ATP8B3: variants seen among roughly 807,000 people sequenced by gnomAD.
The protein encoded by ATP8B3 is phospholipid-transporting ATPase IK.
Under a neutral mutation model 140.9 loss-of-function variants are expected in ATP8B3, and 141 were observed. The observed-to-expected ratio is 1.00, with a 90% confidence interval of 0.87 to 1.15. The LOEUF (loss-of-function observed/expected upper bound fraction) is 1.15, where lower values mean the gene tolerates loss of function less well. Among genes scored for constraint, ATP8B3 ranks in the 50% most tolerant of loss-of-function variants. The pLI is 0.00. For synonymous variants in ATP8B3, 765 were observed against 714.6 expected (o/e 1.07, Z -1.13); for missense variants, 1,874 against 1,740.6 (o/e 1.08, Z -1.36).
chr19:1,799,546 G>A (rs886640937), intron 14 of ATP8B3: 8 of 382,568 alleles, frequency 2.1e-5, no homozygotes, highest in Admixed American at 1.8e-4. Flanking sequence ...CAGGTGGATC[G>A]CCGGAGGCCA....
Position 1,787,037 on chromosome 19 carries a change from G to A in ATP8B3, c.3153+66C>T, listed in dbSNP as rs1378352568. The A allele has an allele frequency of 8.3e-6, 12 of 1,438,462 alleles. No individual in the cohort carries two copies. In the Admixed American group the frequency reaches 1.2e-4, roughly 14 times the overall value. 89.1% of individuals were successfully genotyped at this position (1,438,462 alleles called of 1,614,324 possible). ...CCAGGCTCCCTCTCCCCGCCCCAAGGAGCGGAGGAGAGGAGGAGAGGCTAA... is the reference window on the plus strand; with the variant it reads ...CCAGGCTCCCTCTCCCCGCCCCAAGAAGCGGAGGAGAGGAGGAGAGGCTAA... On this transcript the variant is annotated intron_variant, in intron 25 of 28. Transcript: ENST00000310127.
chr19:1,789,431 C>G lies in ATP8B3; in HGVS notation c.2775G>C (p.Leu925=), dbSNP rs371268508. The change falls in exon 23 of 29, where the codon CTG becomes CTC. Residue 925 remains leucine (L), a synonymous_variant. Coordinates refer to ENST00000310127, the MANE Select transcript of ATP8B3 (RefSeq NM_138813.4). ...TCACCACCTGGTGGTACTTCTTGAC[C>G]AGGGCCACGATCAGGGCCTTCTGCT... ...TPKQKALIVA[L]VKKYHQVVTL... The G allele has an allele frequency of 2.5e-6, 4 of 1,598,164 alleles. No individual in the cohort carries two copies. The highest frequency in any genetic ancestry group is 2.7e-5 in the African/African-American group (2 of 74,182).
intron 25 of ATP8B3, 142 bp from the exon 26 acceptor site, chr19:1,785,850 G>A (rs1600389062): frequency 1.1e-5 from 11 of 959,442 alleles, no homozygotes; most frequent in South Asian, 1.7e-5. Context: ...ATAAAGTAAG[G>A]CCAGGCACGG....
In ATP8B3 at chr19:1,802,406, T is replaced by TGGGGGC; in HGVS notation, c.1063+80_1063+81insGCCCCC. On this transcript the variant is annotated intron_variant, in intron 11 of 28. Transcript: ENST00000310127. ...CCTCTCACACATCCATCCACCCACC[T>TGGGGGC]ACCCACCCACCCATCCCCACATCCA... 9.5e-6 allele frequency: 4 copies of TGGGGGC among 421,056 alleles called. 1 individual carries two copies. Among genetic ancestry groups the TGGGGGC allele is most frequent in the Non-Finnish European group, 1.8e-5 (4 of 228,278 alleles). The allele number at this position is 421,056 out of a possible 1,614,324, so 26.1% of individuals were successfully genotyped here.
At chr19:1,789,248 C>T in intron 23 of ATP8B3, 113 bp downstream of exon 23, 1 of 1,161,572 alleles carries the variant, frequency 8.6e-7, no homozygotes. Flanking sequence ...GTCCCACCGC[C>T]GCCTCCATCA....
chr19:1,809,697 G>T lies in ATP8B3; in HGVS notation c.348C>A (p.Tyr116Ter). 6.2e-7 allele frequency: 1 copy of T among 1,611,688 alleles called. No individual in the cohort carries two copies. The highest frequency in any genetic ancestry group is 2.2e-5 in the East Asian group (1 of 44,820). Residue 116 changes from tyrosine to a stop codon, truncating the protein, a stop_gained, in exon 4 of 29, where the codon TAC (tyrosine) becomes TAA (stop). Transcript: ENST00000310127. LOFTEE classifies it high-confidence loss of function. ...TCACCTTCTCCTTGAACTGCCCGTT[G>T]TAGGCACGGTTGTTGGCCTGGACCT... ...TWKVQANNRA[Y>*]NGQFKEKVIL...
intron 10 of ATP8B3, among the ~76,000 whole-genome samples, chr19:1,803,682 A>AG (rs2068922182): frequency 6.6e-6 from 1 of 152,040 alleles, no homozygotes. Flanking sequence ...GGATCACCTG[A>AG]GGTCAGGAGT....
Position 1,783,024 on chromosome 19 carries a change from G to A in ATP8B3, c.*4C>T. 1 of 1,600,338 alleles carries A rather than the reference G, an allele frequency of 6.2e-7. No individual in the cohort carries two copies. Among genetic ancestry groups the A allele is most frequent in the Non-Finnish European group, 8.5e-7 (1 of 1,174,014 alleles). On this transcript the variant is annotated 3_prime_UTR_variant, in exon 29 of 29. Transcript: ENST00000310127. ...TTCCCCAGGAAGGACATCTTCCTGA[G>A]GTGTCACTGTGACTCTTTTGGGCTC...
At chr19:1,803,238 G>A (rs187920799) in intron 10 of ATP8B3, among the ~76,000 whole-genome samples, 1 of 152,256 alleles carries the variant, frequency 6.6e-6, no homozygotes, top group Non-Finnish European at 1.5e-5. Flanking sequence ...TTCAGTGAGG[G>A]TTAAAATGAC....
chr19:1,785,807 T>C, intron 25 of ATP8B3, 99 bp from the exon 26 acceptor site: 1 of 1,281,008 alleles, frequency 7.8e-7, no homozygotes, highest in Non-Finnish European at 1.1e-6. Flanking sequence ...GGCCACTCTC[T>C]GTGTGTGGCT....
At chr19:1,799,149 T>C (rs780398981) in intron 14 of ATP8B3, 5 of 146,790 alleles carry the variant, frequency 3.4e-5, no homozygotes, top group Non-Finnish European at 7.5e-5. Flanking sequence ...TCTCAAAAAA[T>C]AAATAAATAC....
intron 20 of ATP8B3, 62 bp from the exon 21 acceptor site, chr19:1,790,894 C>T: frequency 3.5e-6 from 5 of 1,442,864 alleles, no homozygotes; most frequent in South Asian, 1.2e-5. Context: ...CTGGGGGCCA[C>T]GCCCACTCTG....
At position 1,800,557 on chromosome 19, in the gene ATP8B3, T is replaced by A; in HGVS notation, c.1153-108A>T. 9.8e-7 allele frequency: 1 copy of A among 1,020,176 alleles called. No individual in the cohort carries two copies. The highest frequency in any genetic ancestry group is 1.4e-6 in the Non-Finnish European group (1 of 693,228). 63.2% of individuals were successfully genotyped at this position (1,020,176 alleles called of 1,614,324 possible). A position where few individuals can be genotyped will look rare whatever the true frequency, so the allele number is the denominator to read the frequency against. On this transcript the variant is annotated intron_variant, in intron 12 of 28. Transcript: ENST00000310127. The surrounding 1 kb of genome is among the most constrained non-coding windows in gnomAD (Gnocchi z 4.4). Reference sequence around the variant, plus strand: ...GGCTGGGGCTGGGCACAGTGGCTCATGCCTGTAATCTCAGCACTTCAGGAG... The same window carrying A: ...GGCTGGGGCTGGGCACAGTGGCTCAAGCCTGTAATCTCAGCACTTCAGGAG...
At chr19:1,787,577 A>T (rs138464530) in intron 24 of ATP8B3, among the ~76,000 whole-genome samples, 3 of 152,082 alleles carry the variant, frequency 2.0e-5, no homozygotes, top group African/African-American at 7.2e-5. Flanking sequence ...AAAAATATAA[A>T]AAGTAGCTGG....
chr19:1,805,501 G>T lies in ATP8B3; in HGVS notation c.822-45C>A. ...GGAGGTGAAAGTGGAGTTGATGGAT[G>T]CTTCGAGGAGCCCCCAGACCCCTTC... On this transcript the variant is annotated intron_variant, in intron 9 of 28. Transcript: ENST00000310127. This position sits in a 1 kb window ranked among gnomAD's most constrained non-coding sequence, Gnocchi z 5.2. The T allele has an allele frequency of 6.9e-7, 1 of 1,455,878 alleles. No individual in the cohort carries two copies. Among genetic ancestry groups the T allele is most frequent in the African/African-American group, 1.4e-5 (1 of 71,092 alleles). The allele number at this position is 1,455,878 out of a possible 1,614,324, so 90.2% of individuals were successfully genotyped here.
At chr19:1,784,382 G>C (rs565369500) in intron 28 of ATP8B3, among the ~76,000 whole-genome samples, 1 of 152,232 alleles carries the variant, frequency 6.6e-6, no homozygotes, top group South Asian at 2.1e-4. Context: ...GGGCGTGGTG[G>C]TACATGCCCG....
intron 18 of ATP8B3, among the ~76,000 whole-genome samples, chr19:1,795,136 T>A (rs1239837148): frequency 6.6e-6 from 1 of 151,986 alleles, no homozygotes; most frequent in Non-Finnish European, 1.5e-5. Flanking sequence ...GCGCCTGTAG[T>A]CTCAGCTACT....
At chr19:1,784,702 G>A in intron 28 of ATP8B3, 117 bp downstream of exon 28, 1 of 1,329,578 alleles carries the variant, frequency 7.5e-7, no homozygotes, top group African/African-American at 1.5e-5. Flanking sequence ...CCCAAGCCTA[G>A]TGTCTTGGAG....
In ATP8B3 at chr19:1,783,045, G is replaced by A; in HGVS notation, c.3886C>T (p.Pro1296Ser). Reference protein sequence around the residue: ...DPSDEEAASSPKESQ With the variant: ...DPSDEEAASSSKESQ ...CTGAGGTGTCACTGTGACTCTTTTG[G>A]GCTCGAAGCTGCCTCTTCATCAGAT... Residue 1296 changes from proline (P) to serine (S), a missense_variant, in exon 29 of 29, where the codon CCA becomes TCA. Around this residue, in one of 3 missense-constraint regions of ATP8B3, gnomAD observed 840 missense variants for 760.9 expected, o/e 1.10. Coordinates refer to ENST00000310127, the MANE Select transcript of ATP8B3 (RefSeq NM_138813.4). 2 of 1,608,296 alleles carry A rather than the reference G, an allele frequency of 1.2e-6. No individual in the cohort carries two copies. Among genetic ancestry groups the A allele is most frequent in the Non-Finnish European group, 1.7e-6 (2 of 1,177,608 alleles).
Sources: allele counts gnomAD v4.1 joint callset (sites outside exome capture counted in the v4.1 genomes callset), GRCh38; gene constraint gnomAD v4.1.1; regional missense constraint gnomAD v4.1.1; non-coding constraint Gnocchi (gnomAD v3.1); transcripts MANE v1.5; gene names NCBI Gene and HGNC (gene_info 2026-07-23, HGNC 2026-07-21).